The following GOLGA8A variants were observed in gnomAD, a reference collection of about 807,000 sequenced individuals.
GOLGA8A encodes the protein golgin A8 family member A.
In GOLGA8A, 3 loss-of-function variants were observed where a neutral mutation model predicts 22.1. The ratio of observed to expected loss-of-function variants is 0.14; its 90% CI spans 0.06 to 0.35. GOLGA8A has a LOEUF of 0.35. Ranked by LOEUF, GOLGA8A falls within the 10% of genes least tolerant of loss-of-function variation. GOLGA8A has a pLI of 1.00. For missense variants in GOLGA8A, 16 were observed against 233.2 expected (o/e 0.07, Z 6.07); for synonymous variants, 7 against 91.7 (o/e 0.08, Z 5.28).
intron 2 of GOLGA8A, chr15:34,420,311 T>G (rs1246311842): frequency 1.4e-5 from 2 of 143,092 alleles, no homozygotes; most frequent in African/African-American, 2.6e-5. Flanking sequence ...CATCAGGGAG[T>G]GACAGGGGCG....
chr15:34,379,927 C>CTA lies in GOLGA8A; in HGVS notation c.*1483_*1484insTA, dbSNP rs1891395993. ...GAGAGGTACAAAAACGTATTTCACT[C>CTA]TTCGTAAAGAAGTTTGTGAGGAAAT... On this transcript the variant is annotated 3_prime_UTR_variant, in exon 25 of 25. Transcript: ENST00000359187. 6.6e-6 allele frequency: 1 copy of CTA among 152,626 alleles called. No homozygotes were observed. The highest frequency in any genetic ancestry group is 2.4e-5 in the African/African-American group (1 of 41,446). 9.5% of individuals were successfully genotyped at this position (152,626 alleles called of 1,614,324 possible). A position where few individuals can be genotyped will look rare whatever the true frequency, so the allele number is the denominator to read the frequency against.
chr15:34,433,183 A>T (rs754434799), intron 2 of GOLGA8A, among the ~76,000 whole-genome samples: 3 of 148,202 alleles, frequency 2.0e-5, no homozygotes, highest in Non-Finnish European at 4.5e-5. Context: ...CGCAGGAGAG[A>T]GTCAGGCAGG....
At position 34,379,367 on chromosome 15, in the gene GOLGA8A, T is replaced by C. The variant is rs902066524; in HGVS notation, c.*2044A>G. On this transcript the variant is annotated 3_prime_UTR_variant, in exon 25 of 25. Transcript: ENST00000359187. The stretch of plus-strand genomic sequence containing the variant: ...ACATTTTTTAATATTTATATTATTT[T>C]AAAATGACTCTTTAAGATACAGTTT... 1 of 152,572 alleles carries C rather than the reference T, an allele frequency of 6.6e-6. No homozygotes were observed. The highest frequency in any genetic ancestry group is 1.5e-5 in the Non-Finnish European group (1 of 68,052). The allele number at this position is 152,572 out of a possible 1,614,324, so 9.5% of individuals were successfully genotyped here. A position where few individuals can be genotyped will look rare whatever the true frequency, so the allele number is the denominator to read the frequency against.
At position 34,433,288 on chromosome 15, in the gene GOLGA8A, C is replaced by T. The variant is rs117488767; in HGVS notation, c.-1123+2095G>A. On this transcript the variant is annotated intron_variant, in intron 2 of 24. Coordinates refer to ENST00000359187, the MANE Select transcript of GOLGA8A (RefSeq NM_181077.5). The stretch of plus-strand genomic sequence containing the variant: ...CAAGTTTGGAAAGATCCAGATGGAG[C>T]GGGAAGGGAATCTGGGCGTGGGGGT... 9.3e-3 allele frequency among the ~76,000 whole-genome samples: 1,391 copies of T among 148,874 alleles called. 116 individuals carry two copies. Among genetic ancestry groups the T allele is most frequent in the African/African-American group, 0.032 (1,284 of 40,410 alleles).
intron 2 of GOLGA8A, chr15:34,418,705 T>C (rs1356063142): frequency 6.8e-6 from 1 of 146,474 alleles, no homozygotes; most frequent in Non-Finnish European, 1.5e-5. Flanking sequence ...AACGTCTTCC[T>C]TGCTTCCTTG....
chr15:34,430,726 G>A (rs1307483243), intron 2 of GOLGA8A, among the ~76,000 whole-genome samples: 1 of 149,820 alleles, frequency 6.7e-6, no homozygotes, highest in Non-Finnish European at 1.5e-5. Flanking sequence ...CAGAACAGTT[G>A]CACACATCTC....
Position 34,379,834 on chromosome 15 carries a change from T to C in GOLGA8A, c.*1577A>G, listed in dbSNP as rs1836150375. 6.5e-6 allele frequency: 1 copy of C among 152,690 alleles called. No individual in the cohort carries two copies. 9.5% of individuals were successfully genotyped at this position (152,690 alleles called of 1,614,324 possible). A position where few individuals can be genotyped will look rare whatever the true frequency, so the allele number is the denominator to read the frequency against. On this transcript the variant is annotated 3_prime_UTR_variant, in exon 25 of 25. Coordinates refer to ENST00000359187, the MANE Select transcript of GOLGA8A (RefSeq NM_181077.5). Reference sequence around the variant, plus strand: ...TGATTTAGGCAATGTATGATTGAAATGCATTCATTCATCATGCATAGGCAC... The same window carrying C: ...TGATTTAGGCAATGTATGATTGAAACGCATTCATTCATCATGCATAGGCAC...
chr15:34,437,698 C>T lies in GOLGA8A; in HGVS notation c.-1512G>A, dbSNP rs1290722024. Among the ~76,000 whole-genome samples the T allele has an allele frequency of 1.5e-5, 2 of 135,102 alleles. No homozygotes were observed. Among genetic ancestry groups the T allele is most frequent in the Non-Finnish European group, 3.2e-5 (2 of 62,362 alleles). The allele number at this position is 135,102 out of a possible 152,430, so 88.6% of individuals were successfully genotyped here. ...CCTCGCCGCGCCGCCGTCCTCGCCG[C>T]GCCGCCGTCCTCGCCGCGCCGCTGC... On this transcript the variant is annotated 5_prime_UTR_variant, in exon 1 of 25. Coordinates refer to ENST00000359187, the MANE Select transcript of GOLGA8A (RefSeq NM_181077.5).
rs905596075 is a variant in GOLGA8A, at chr15:34,419,987, T to C, written c.-1122-12252A>G. 2 of 147,496 alleles carry C rather than the reference T, an allele frequency of 1.4e-5. 1 individual carries two copies. The highest frequency in any genetic ancestry group is 3.0e-5 in the Non-Finnish European group (2 of 67,236). 9.1% of individuals were successfully genotyped at this position (147,496 alleles called of 1,614,324 possible). A position where few individuals can be genotyped will look rare whatever the true frequency, so the allele number is the denominator to read the frequency against. On this transcript the variant is annotated intron_variant, in intron 2 of 24. Coordinates refer to ENST00000359187, the MANE Select transcript of GOLGA8A (RefSeq NM_181077.5). ...AAAGGGGAGTTAGCGGACACAGAGT[T>C]TCAGATTGCAAGATGAAGAAAGTTC...
At chr15:34,422,860 C>T (rs1056245937) in intron 2 of GOLGA8A, among the ~76,000 whole-genome samples, 1 of 109,824 alleles carries the variant, frequency 9.1e-6, no homozygotes. Context: ...TGTCTAGGAG[C>T]CACAGGGAAG....
At chr15:34,426,358 T>A (rs1370071398) in intron 2 of GOLGA8A, among the ~76,000 whole-genome samples, 1 of 148,454 alleles carries the variant, frequency 6.7e-6, no homozygotes, top group Non-Finnish European at 1.5e-5. Flanking sequence ...AAAATACTTT[T>A]AAAATATGTA....
Position 34,434,656 on chromosome 15 carries a change from C to G in GOLGA8A, c.-1123+727G>C, listed in dbSNP as rs866286897. Among the ~76,000 whole-genome samples, 38 of 149,234 alleles carry G rather than the reference C, an allele frequency of 2.5e-4. 1 individual carries two copies. The highest frequency in any genetic ancestry group is 9.1e-4 in the African/African-American group (37 of 40,488). Reference sequence around the variant, plus strand: ...AGCCAGAGAAGTCTCCCTGTGGGCGCTCGGGCCAACCACCACCCAAGGGAA... The same window carrying G: ...AGCCAGAGAAGTCTCCCTGTGGGCGGTCGGGCCAACCACCACCCAAGGGAA... On this transcript the variant is annotated intron_variant, in intron 2 of 24. Coordinates refer to ENST00000359187, the MANE Select transcript of GOLGA8A (RefSeq NM_181077.5).
At chr15:34,436,601 G>A (rs1753063545) in intron 1 of GOLGA8A, among the ~76,000 whole-genome samples, 3 of 150,046 alleles carry the variant, frequency 2.0e-5, no homozygotes, top group Non-Finnish European at 4.5e-5. Context: ...GGCGTTCCCC[G>A]CACCCTCCCT....
chr15:34,379,247 T>G lies in GOLGA8A; in HGVS notation c.*2164A>C, dbSNP rs914325886. On this transcript the variant is annotated 3_prime_UTR_variant, in exon 25 of 25. Transcript: ENST00000359187. ...TAACGCTTTGGCCTGGAATTGGCAT[T>G]TCTTTCTCTACTTTTCCTTCCCACC... 2 of 152,674 alleles carry G rather than the reference T, an allele frequency of 1.3e-5. No individual in the cohort carries two copies. The highest frequency in any genetic ancestry group is 2.9e-5 in the Non-Finnish European group (2 of 68,052). The allele number at this position is 152,674 out of a possible 1,614,324, so 9.5% of individuals were successfully genotyped here.
Position 34,428,888 on chromosome 15 carries a change from A to C in GOLGA8A, c.-1123+6495T>G, listed in dbSNP as rs1172901303. Reference sequence around the variant, plus strand: ...GGCAATTTAATCTACAAATCCTGTAAATCCTTGTTAAAAAAAAAAAAAAAA... The same window carrying C: ...GGCAATTTAATCTACAAATCCTGTACATCCTTGTTAAAAAAAAAAAAAAAA... On this transcript the variant is annotated intron_variant, in intron 2 of 24. Coordinates refer to ENST00000359187, the MANE Select transcript of GOLGA8A (RefSeq NM_181077.5). 10 of 91,216 alleles carry C rather than the reference A, an allele frequency of 1.1e-4. 1 individual carries two copies. The highest frequency in any genetic ancestry group is 4.7e-5 in the Non-Finnish European group (2 of 42,948). The allele number at this position is 91,216 out of a possible 1,614,324, so 5.7% of individuals were successfully genotyped here. A position where few individuals can be genotyped will look rare whatever the true frequency, so the allele number is the denominator to read the frequency against.
chr15:34,431,184 G>T (rs1256676402), intron 2 of GOLGA8A, among the ~76,000 whole-genome samples: 4 of 146,700 alleles, frequency 2.7e-5, no homozygotes, highest in South Asian at 4.4e-4. Flanking sequence ...AACGATACTT[G>T]TTTATTAAAT....
chr15:34,435,140 G>C (rs550351347), intron 2 of GOLGA8A, among the ~76,000 whole-genome samples: 1 of 149,520 alleles, frequency 6.7e-6, no homozygotes, highest in East Asian at 2.0e-4. Flanking sequence ...AGGACACGGA[G>C]GAGTGCCGGA....
intron 2 of GOLGA8A, among the ~76,000 whole-genome samples, chr15:34,423,590 A>C (rs1490762289): frequency 1.3e-5 from 2 of 148,996 alleles, no homozygotes; most frequent in African/African-American, 5.0e-5. Context: ...CAGCTCCTGC[A>C]GGGCGGACAC....
At chr15:34,418,414 T>C (rs1169589225) in intron 2 of GOLGA8A, 1 of 142,410 alleles carries the variant, frequency 7.0e-6, no homozygotes, top group African/African-American at 2.5e-5. Context: ...AAATAGAAGG[T>C]ATGTGAATGT....
Sources: allele counts gnomAD v4.1 joint callset (sites outside exome capture counted in the v4.1 genomes callset), GRCh38; gene constraint gnomAD v4.1.1; transcripts MANE v1.5; gene names NCBI Gene and HGNC (gene_info 2026-07-23, HGNC 2026-07-21).